LINGO1: variants seen among roughly 807,000 people sequenced by gnomAD.
LINGO1 encodes leucine-rich repeat and immunoglobulin-like domain-containing nogo receptor-interacting protein 1.
Under a neutral mutation model 37.3 loss-of-function variants are expected in LINGO1, and 11 were observed. The ratio of observed to expected loss-of-function variants is 0.29; its 90% confidence interval spans 0.19 to 0.49. LINGO1 has a LOEUF of 0.49. Among genes scored for constraint, LINGO1 ranks in the 20% least tolerant of loss-of-function variants. The pLI, the probability that LINGO1 is intolerant of heterozygous loss-of-function variation, is 0.99. For missense variants in LINGO1, 585 were observed against 878.2 expected (o/e 0.67, Z 4.22); for synonymous variants, 387 against 403.0 (o/e 0.96, Z 0.48).
chr15:77,634,765 C>G (rs373315894), upstream of LINGO1, among the ~76,000 whole-genome samples: 1 of 151,962 alleles, frequency 6.6e-6, no homozygotes, highest in East Asian at 1.9e-4. Flanking sequence ...CCCCAGCCCC[C>G]CCACCCCGGC....
intron 2 of LINGO1, among the ~76,000 whole-genome samples, chr15:77,731,138 T>C (rs1382079327): frequency 6.6e-6 from 1 of 152,106 alleles, no homozygotes; most frequent in Non-Finnish European, 1.5e-5. Context: ...CACCCCTCCA[T>C]CCTGGCAGGC....
Position 77,817,534 on chromosome 15 carries a change from T to G in LINGO1, c.-458+2724A>C, listed in dbSNP as rs895750401. On this transcript the variant is annotated intron_variant, in intron 1 of 5. Coordinates refer to the LINGO1 transcript ENST00000562933. ...TGACAGGAGCCGGGCTTCCAAACCATCAAGCAAAGCACTGACAGCCTCTGG... is the reference window on the plus strand; with the variant it reads ...TGACAGGAGCCGGGCTTCCAAACCAGCAAGCAAAGCACTGACAGCCTCTGG... Among the ~76,000 whole-genome samples the G allele has an allele frequency of 5.9e-5, 9 of 152,166 alleles. No individual in the cohort carries two copies. The East Asian group carries it at 9.7e-4, about 16-fold the overall frequency.
At chr15:77,794,803 G>A (rs979014778) in intron 2 of LINGO1, among the ~76,000 whole-genome samples, 9 of 151,804 alleles carry the variant, frequency 5.9e-5, no homozygotes, top group Non-Finnish European at 1.2e-4. Flanking sequence ...TGTTAGCCAG[G>A]ATGGTCTCGA....
At chr15:77,709,092 C>G (rs900178932) in intron 2 of LINGO1, among the ~76,000 whole-genome samples, 1 of 152,178 alleles carries the variant, frequency 6.6e-6, no homozygotes, top group African/African-American at 2.4e-5. Context: ...CGGCCCTGCA[C>G]CTTGATCTCA....
chr15:77,732,940 G>C (rs946549747), intron 2 of LINGO1, among the ~76,000 whole-genome samples: 2 of 152,212 alleles, frequency 1.3e-5, no homozygotes, highest in African/African-American at 4.8e-5. Context: ...TTGACTGATA[G>C]CCCTCCCCAC....
At chr15:77,770,396 T>A (rs551154710) in intron 1 of LINGO1, among the ~76,000 whole-genome samples, 26 of 152,102 alleles carry the variant, frequency 1.7e-4, no homozygotes, top group Non-Finnish European at 1.5e-5. Flanking sequence ...GAGACCAGCC[T>A]GACCAACATG....
At chr15:77,778,226 T>G (rs1596221063) in intron 1 of LINGO1, among the ~76,000 whole-genome samples, 1 of 152,248 alleles carries the variant, frequency 6.6e-6, no homozygotes, top group African/African-American at 2.4e-5. Flanking sequence ...TCTCCTCCCT[T>G]GCAGTCAAAT....
chr15:77,794,586 ATATATTT>A (rs934235535), intron 2 of LINGO1, among the ~76,000 whole-genome samples: 1 of 25,386 alleles, frequency 3.9e-5, no homozygotes, highest in African/African-American at 8.5e-5. Context: ...ATATATATAT[ATATATTT>A]TTTTTTTTTT....
intron 2 of LINGO1, among the ~76,000 whole-genome samples, chr15:77,795,311 T>C (rs974691473): frequency 1.3e-5 from 2 of 152,166 alleles, no homozygotes; most frequent in Non-Finnish European, 2.9e-5. Flanking sequence ...ACACGGACCA[T>C]GAAGTGAGAG....
intron 1 of LINGO1, among the ~76,000 whole-genome samples, chr15:77,798,125 T>C (rs984686055): frequency 1.3e-5 from 2 of 152,124 alleles, no homozygotes; most frequent in African/African-American, 4.8e-5. Context: ...TGGCCCTGGG[T>C]GCATCTCCCA....
intron 1 of LINGO1, among the ~76,000 whole-genome samples, chr15:77,811,988 C>G (rs2077009709): frequency 6.6e-6 from 1 of 151,596 alleles, no homozygotes; most frequent in African/African-American, 2.4e-5. Context: ...CAGGCAGGAG[C>G]CCCACACACA....
chr15:77,661,973 C>G (rs564702906), intron 3 of LINGO1, among the ~76,000 whole-genome samples: 1 of 152,328 alleles, frequency 6.6e-6, no homozygotes, highest in East Asian at 1.9e-4. Context: ...CTGCCTGCAC[C>G]CACCCTGCCC....
intron 1 of LINGO1, chr15:77,695,978 T>C (rs890030790): frequency 4.6e-5 from 7 of 151,284 alleles, no homozygotes; most frequent in Admixed American, 2.6e-4. Context: ...TACCCCATCA[T>C]TGCAGTCAAG....
At chr15:77,717,461 A>C (rs955959689) in intron 2 of LINGO1, among the ~76,000 whole-genome samples, 3 of 150,676 alleles carry the variant, frequency 2.0e-5, no homozygotes, top group African/African-American at 7.2e-5. Context: ...TCCTGCCCAG[A>C]ACTGGCACCC....
At chr15:77,801,366 C>G (rs917704487) in intron 1 of LINGO1, among the ~76,000 whole-genome samples, 1 of 152,130 alleles carries the variant, frequency 6.6e-6, no homozygotes, top group Non-Finnish European at 1.5e-5. Flanking sequence ...CTATGTATAA[C>G]AATAGAGAAA....
Position 77,614,549 on chromosome 15 carries a change from G to A in LINGO1, c.1358C>T (p.Pro453Leu), listed in dbSNP as rs568947342. The change falls in exon 2 of 2, where the codon CCG (proline) becomes CTG (leucine). Residue 453 changes from proline (P) to leucine (L), a missense_variant. Physicochemically the swap from Pro to Leu is moderately conservative, Grantham distance 98. This residue lies in a region of LINGO1 where 484 missense variants were observed against 735.0 expected (regional missense o/e 0.66). Coordinates refer to ENST00000355300, the MANE Select transcript of LINGO1 (RefSeq NM_032808.7). The stretch of plus-strand genomic sequence containing the variant: ...GGGTGAGAGCCAGAGGATGGCGGGC[G>A]GCGGGTCGCCATCGGCCCGGCACAC... ...QFVCRADGDPPPAILWLSPRK... is the reference protein window; with the variant it reads ...QFVCRADGDPLPAILWLSPRK... The A allele has an allele frequency of 2.4e-5, 39 of 1,610,456 alleles. No homozygotes were observed. In the Middle Eastern group the frequency reaches 5.0e-4, roughly 20 times the overall value.
At chr15:77,722,085 G>A (rs1385883555) in intron 2 of LINGO1, among the ~76,000 whole-genome samples, 6 of 152,148 alleles carry the variant, frequency 3.9e-5, no homozygotes, top group East Asian at 3.8e-4. Flanking sequence ...GTGACACCAC[G>A]GACATATTTC....
At chr15:77,779,855 C>T (rs1166109619) in intron 1 of LINGO1, among the ~76,000 whole-genome samples, 1 of 152,080 alleles carries the variant, frequency 6.6e-6, no homozygotes, top group African/African-American at 2.4e-5. Context: ...AGGAGGTGCT[C>T]GATAATATTC....
chr15:77,626,141 G>T (rs2074082039), intron 1 of LINGO1, among the ~76,000 whole-genome samples: 1 of 152,108 alleles, frequency 6.6e-6, no homozygotes, highest in Non-Finnish European at 1.5e-5. Flanking sequence ...ACTTGTTCAA[G>T]GTCCCACAGA....
Sources: gnomAD v4.1 joint callset for allele counts (sites outside exome capture counted in the v4.1 genomes callset) on GRCh38, gnomAD v4.1.1 for gene constraint, gnomAD v4.1.1 regional missense constraint, MANE v1.5 for transcripts, NCBI Gene and HGNC (gene_info 2026-07-23, HGNC 2026-07-21) for gene names.